The following CTCF variants were observed in gnomAD, a reference collection of about 807,000 sequenced individuals.
CTCF encodes the protein transcriptional repressor CTCF.
CTCF carries 7 observed loss-of-function variants against 72.3 expected under a neutral mutation model. The ratio of observed to expected loss-of-function variants is 0.10; its 90% CI spans 0.06 to 0.18. The LOEUF is 0.18. Among genes scored for constraint, CTCF ranks in the 10% least tolerant of loss-of-function variants. The probability of loss-of-function intolerance (pLI) is 1.00; values close to 1 mark genes in which losing one functional copy is unlikely to be tolerated. For synonymous variants in CTCF, 374 were observed against 315.8 expected (o/e 1.18, Z -1.95); for missense variants, 516 against 949.1 (o/e 0.54, Z 6.00).
intron 2 of CTCF, among the ~76,000 whole-genome samples, chr16:67,583,660 C>T (rs772955397): frequency 6.6e-6 from 1 of 151,270 alleles, no homozygotes; most frequent in African/African-American, 2.4e-5. Flanking sequence ...GCACTCCAGC[C>T]TGGGCGACAG....
intron 2 of CTCF, among the ~76,000 whole-genome samples, chr16:67,605,253 G>A (rs1001612544): frequency 5.3e-5 from 8 of 152,136 alleles, no homozygotes; most frequent in African/African-American, 1.7e-4. Context: ...GATTACAGGC[G>A]TGAGCCACCA....
chr16:67,631,237 C>T (rs1372719324), intron 10 of CTCF, among the ~76,000 whole-genome samples: 3 of 147,548 alleles, frequency 2.0e-5, no homozygotes, highest in Non-Finnish European at 3.0e-5. Flanking sequence ...GCGATCTCTG[C>T]TCACTGCAAC....
rs1411997206 is a variant in CTCF, at chr16:67,605,493, G to A, written c.-9-5331G>A. Among the ~76,000 whole-genome samples, 3 of 152,318 alleles carry A rather than the reference G, an allele frequency of 2.0e-5. No individual in the cohort carries two copies. The East Asian group carries it at 5.8e-4, about 29-fold the overall frequency. ...GAGAACAAGGGACTAATGAAAGAAA[G>A]AAGGTAATGGAAGAATAAACCAAAC... On this transcript the variant is annotated intron_variant, in intron 2 of 11. Transcript: ENST00000264010.
At position 67,600,931 on chromosome 16, in the gene CTCF, A is replaced by G. The variant is rs1462563794; in HGVS notation, c.-9-9893A>G. ...CCACAAAAAATATTTGATGAAACCT[A>G]GAAGGCATGGGCGACTCAAGCAAGC... On this transcript the variant is annotated intron_variant, in intron 2 of 11. Transcript: ENST00000264010. 2.6e-5 allele frequency among the ~76,000 whole-genome samples: 4 copies of G among 152,164 alleles called. No individual in the cohort carries two copies. In the East Asian group the frequency reaches 5.8e-4, roughly 22 times the overall value.
At chr16:67,582,229 C>A (rs1441307866) in intron 2 of CTCF, among the ~76,000 whole-genome samples, 2 of 149,604 alleles carry the variant, frequency 1.3e-5, no homozygotes, top group East Asian at 2.0e-4. Context: ...AAAAAAAAAT[C>A]TTCTGTTACT....
intron 2 of CTCF, among the ~76,000 whole-genome samples, chr16:67,575,057 T>C (rs1168592365): frequency 1.3e-5 from 2 of 152,198 alleles, no homozygotes; most frequent in Non-Finnish European, 2.9e-5. Flanking sequence ...ATTTTTTCCA[T>C]ATGTCCTTGT....
At chr16:67,631,678 C>T (rs1181233920) in intron 10 of CTCF, among the ~76,000 whole-genome samples, 1 of 73,374 alleles carries the variant, frequency 1.4e-5, no homozygotes, top group East Asian at 4.1e-4. Flanking sequence ...AAGGTCCCCC[C>T]CACCCCCCCC....
intron 6 of CTCF, chr16:67,621,103 G>T (rs936558674): frequency 1.4e-5 from 5 of 365,010 alleles, no homozygotes. Flanking sequence ...AAAAGTCTGG[G>T]TAGATTTCCT....
intron 7 of CTCF, among the ~76,000 whole-genome samples, chr16:67,622,811 ATTT>A (rs951749794): frequency 2.4e-5 from 3 of 123,902 alleles, no homozygotes; most frequent in East Asian, 2.3e-4. Context: ...GCCCGGCTAA[ATTT>A]TTTTTTTTTT....
intron 2 of CTCF, among the ~76,000 whole-genome samples, chr16:67,596,505 T>C (rs1335395876): frequency 6.6e-6 from 1 of 152,140 alleles, no homozygotes; most frequent in East Asian, 1.9e-4. Context: ...TGCAGATATT[T>C]TTTTCATGGT....
chr16:67,636,867 C>A lies in CTCF; in HGVS notation c.1999+16C>A. 6.6e-7 allele frequency: 1 copy of A among 1,510,998 alleles called. No homozygotes were observed. The highest frequency in any genetic ancestry group is 8.9e-7 in the Non-Finnish European group (1 of 1,121,598). The allele number at this position is 1,510,998 out of a possible 1,614,324, so 93.6% of individuals were successfully genotyped here. On this transcript the variant is annotated intron_variant, in intron 11 of 11. Transcript: ENST00000264010. ...CAGAACCAGCGTAAGTTGTTCATCT[C>A]TGCTCTGGAGGCTGGCGTCTTCTCC...
At chr16:67,625,597 A>G (rs2052272435) in intron 7 of CTCF, among the ~76,000 whole-genome samples, 1 of 151,654 alleles carries the variant, frequency 6.6e-6, no homozygotes, top group African/African-American at 2.4e-5. Flanking sequence ...AATTCTAACA[A>G]CTCTTTGTGG....
At chr16:67,566,171 CA>C (rs2051340895) in intron 1 of CTCF, among the ~76,000 whole-genome samples, 1 of 152,116 alleles carries the variant, frequency 6.6e-6, no homozygotes, top group Non-Finnish European at 1.5e-5. Context: ...ACAATAATGG[CA>C]AATAATGTGT....
chr16:67,606,411 C>T (rs1435929829), intron 2 of CTCF, among the ~76,000 whole-genome samples: 3 of 152,184 alleles, frequency 2.0e-5, no homozygotes, highest in Non-Finnish European at 4.4e-5. Flanking sequence ...TGTAATTTCA[C>T]CTTGAACCAT....
rs578173737 is a variant in CTCF at position 67,606,740 on chromosome 16, C to T, written c.-9-4084C>T. Among the ~76,000 whole-genome samples the T allele has an allele frequency of 2.7e-5, 4 of 146,828 alleles. No homozygotes were observed. In the East Asian group the frequency reaches 8.0e-4, roughly 29 times the overall value. ...TCTTGGCCAAAAATACAAAACACTT[C>T]AATGTTTTGTTTTGGGTTTTTTTTT... On this transcript the variant is annotated intron_variant, in intron 2 of 11. Coordinates refer to ENST00000264010, the MANE Select transcript of CTCF (RefSeq NM_006565.4).
chr16:67,625,897 C>G (rs531557703), intron 7 of CTCF, among the ~76,000 whole-genome samples: 1 of 148,354 alleles, frequency 6.7e-6, no homozygotes, highest in East Asian at 2.0e-4. Flanking sequence ...ACCCCAACAG[C>G]TACCTGGTTT....
chr16:67,567,628 TTGCCCAGA>T (rs1400373415), intron 1 of CTCF, among the ~76,000 whole-genome samples: 1 of 152,110 alleles, frequency 6.6e-6, no homozygotes, highest in African/African-American at 2.4e-5. Context: ...ATCATAGCTG[TTGCCCAGA>T]TAGGAGTGCA....
At chr16:67,629,580 C>T in intron 10 of CTCF, 47 bp downstream of exon 10, 2 of 1,599,778 alleles carry the variant, frequency 1.3e-6, no homozygotes, top group Non-Finnish European at 1.7e-6. Flanking sequence ...GGCTTTGGAG[C>T]CCAGTTTCCA....
chr16:67,617,272 G>A (rs1434712607), intron 5 of CTCF, among the ~76,000 whole-genome samples: 1 of 152,130 alleles, frequency 6.6e-6, no homozygotes, highest in Admixed American at 6.6e-5. Context: ...GGCTGAGGTG[G>A]GTGGATCACA....
Sources: gnomAD v4.1 joint callset for allele counts (sites outside exome capture counted in the v4.1 genomes callset) on GRCh38, gnomAD v4.1.1 for gene constraint, MANE v1.5 for transcripts, NCBI Gene and HGNC (gene_info 2026-07-23, HGNC 2026-07-21) for gene names.